Variants in CORIN observed in about 807,000 individuals in gnomAD.
CORIN encodes atrial natriuretic peptide-converting enzyme.
In CORIN, 117 loss-of-function variants were observed where a neutral mutation model predicts 125.3. The observed-to-expected ratio is 0.93, with a 90% CI of 0.80 to 1.09. The LOEUF (loss-of-function observed/expected upper bound fraction) is 1.09. Among genes scored for constraint, CORIN ranks in the 50% least tolerant of loss-of-function variants. The probability of loss-of-function intolerance (pLI) is 0.00; values close to 1 mark genes in which losing one functional copy is unlikely to be tolerated. For synonymous variants in CORIN, 450 were observed against 466.4 expected, an observed-to-expected ratio of 0.96 and a Z score of 0.45; for missense variants, 1,253 against 1,306.7, an observed-to-expected ratio of 0.96 and a Z score of 0.63.
At chr4:47,761,827 G>T (rs1373713465) in intron 4 of CORIN, among the ~76,000 whole-genome samples, 1 of 152,050 alleles carries the variant, frequency 6.6e-6, no homozygotes, top group Non-Finnish European at 1.5e-5. Context: ...TACAGTTATT[G>T]ATAACATATT....
chr4:47,823,004 C>T (rs767227320), intron 1 of CORIN, among the ~76,000 whole-genome samples: 5 of 152,102 alleles, frequency 3.3e-5, no homozygotes, highest in African/African-American at 9.6e-5. Context: ...TTAGTAGAGA[C>T]GGGCTTCACC....
intron 2 of CORIN, among the ~76,000 whole-genome samples, chr4:47,804,808 A>T (rs1731700800): frequency 6.6e-6 from 1 of 152,030 alleles, no homozygotes; most frequent in African/African-American, 2.4e-5. Context: ...ATTTGATTGC[A>T]CAACAGGATG....
chr4:47,633,794 G>A (rs76627557), intron 16 of CORIN, among the ~76,000 whole-genome samples: 4 of 152,206 alleles, frequency 2.6e-5, no homozygotes, highest in Non-Finnish European at 5.9e-5. Context: ...TTAAATTCCA[G>A]TTCTTCAGAA....
At chr4:47,743,916 A>G (rs1224275713) in intron 5 of CORIN, among the ~76,000 whole-genome samples, 2 of 152,154 alleles carry the variant, frequency 1.3e-5, no homozygotes, top group Non-Finnish European at 2.9e-5. Flanking sequence ...GCACAAGAAT[A>G]GTAATAGCAT....
At chr4:47,805,148 AAATAAT>A (rs1553919339) in intron 2 of CORIN, among the ~76,000 whole-genome samples, 15 of 129,158 alleles carry the variant, frequency 1.2e-4, no homozygotes, top group African/African-American at 3.8e-4. Context: ...AAAAAAAAAA[AAATAAT>A]AATAATAATA....
At chr4:47,826,156 A>T (rs1365009472) in intron 1 of CORIN, among the ~76,000 whole-genome samples, 10 of 152,344 alleles carry the variant, frequency 6.6e-5, no homozygotes, top group African/African-American at 2.2e-4. Context: ...CGCTAAGGGA[A>T]GATAGCAGTA....
At position 47,600,264 on chromosome 4, in the gene CORIN, TG is replaced by T; in HGVS notation, c.2895del (p.Thr966LeufsTer3). On this transcript the variant is annotated frameshift_variant, in exon 21 of 22. Coordinates refer to ENST00000273857, the MANE Select transcript of CORIN (RefSeq NM_006587.4). LOFTEE classifies it high-confidence loss of function. ...CQSYFDMKTI[T>X]TRMICAGYES... ...TCATAGCCAGCACATATCATCCGAG[TG>T]GTGATGGTCTTCATGTCAAAGTAGG... is the stretch of plus-strand genomic sequence containing the variant. The T allele has an allele frequency of 6.2e-7, 1 of 1,613,706 alleles. No homozygotes were observed. Among genetic ancestry groups the T allele is most frequent in the Non-Finnish European group, 8.5e-7 (1 of 1,179,796 alleles).
intron 11 of CORIN, among the ~76,000 whole-genome samples, chr4:47,662,828 G>C (rs1724312215): frequency 6.6e-6 from 1 of 152,176 alleles, no homozygotes; most frequent in Non-Finnish European, 1.5e-5. Flanking sequence ...ACAATCAAAT[G>C]AGGAAATTTC....
intron 19 of CORIN, among the ~76,000 whole-genome samples, chr4:47,619,583 T>C (rs1722218772): frequency 6.6e-6 from 1 of 152,248 alleles, no homozygotes; most frequent in South Asian, 2.1e-4. Flanking sequence ...TTTTGTTAAA[T>C]TTAGTGTTTC....
At chr4:47,782,480 G>T (rs1730600919) in intron 3 of CORIN, among the ~76,000 whole-genome samples, 1 of 151,594 alleles carries the variant, frequency 6.6e-6, no homozygotes, top group Non-Finnish European at 1.5e-5. Context: ...TCTCAATAAT[G>T]GATAGAACAA....
In CORIN at chr4:47,769,348, T is replaced by C. The variant is rs545929645; in HGVS notation, c.410-5762A>G. ...GAGGTGAAAGATCTTACACTGAAAATGATGAAGCATTGATGAAAGAAGTGA... is the reference window on the plus strand; with the variant it reads ...GAGGTGAAAGATCTTACACTGAAAACGATGAAGCATTGATGAAAGAAGTGA... On this transcript the variant is annotated intron_variant, in intron 3 of 21. Coordinates refer to ENST00000273857, the MANE Select transcript of CORIN (RefSeq NM_006587.4). Among the ~76,000 whole-genome samples, 8 of 151,886 alleles carry C rather than the reference T, an allele frequency of 5.3e-5. No individual in the cohort carries two copies. In the East Asian group the frequency reaches 1.4e-3, roughly 26 times the overall value.
intron 19 of CORIN, among the ~76,000 whole-genome samples, chr4:47,612,946 G>A (rs1478167185): frequency 6.6e-6 from 1 of 152,114 alleles, no homozygotes; most frequent in African/African-American, 2.4e-5. Flanking sequence ...GCAAGAGAAG[G>A]GTTTAGTCAC....
At chr4:47,640,871 T>G (rs1159297043) in intron 16 of CORIN, among the ~76,000 whole-genome samples, 3 of 152,224 alleles carry the variant, frequency 2.0e-5, no homozygotes, top group African/African-American at 7.2e-5. Flanking sequence ...GATTTTTCAT[T>G]TATCTCTGAA....
At chr4:47,763,609 T>C in intron 3 of CORIN, 23 bp from the exon 4 acceptor site, 1 of 1,582,946 alleles carries the variant, frequency 6.3e-7, no homozygotes, top group Non-Finnish European at 8.7e-7. Flanking sequence ...GACATGCACA[T>C]TTAAGAGTGG....
intron 21 of CORIN, among the ~76,000 whole-genome samples, chr4:47,599,463 C>T (rs1721369246): frequency 6.6e-6 from 1 of 152,218 alleles, no homozygotes; most frequent in Non-Finnish European, 1.5e-5. Context: ...AAAGGTGCTT[C>T]ACAGCAGCAT....
At chr4:47,787,497 C>T (rs1730871337) in intron 2 of CORIN, among the ~76,000 whole-genome samples, 1 of 150,138 alleles carries the variant, frequency 6.7e-6, no homozygotes, top group Non-Finnish European at 1.5e-5. Context: ...TTTATCAAAA[C>T]TTGTATCATA....
intron 5 of CORIN, among the ~76,000 whole-genome samples, chr4:47,737,420 A>G (rs1728181202): frequency 6.6e-6 from 1 of 152,164 alleles, no homozygotes; most frequent in Non-Finnish European, 1.5e-5. Flanking sequence ...GCTGTGGAAC[A>G]CTGAAGAGAT....
At chr4:47,604,250 T>G (rs1444556600) in intron 19 of CORIN, among the ~76,000 whole-genome samples, 1 of 152,194 alleles carries the variant, frequency 6.6e-6, no homozygotes, top group Non-Finnish European at 1.5e-5. Context: ...TTTCTTCCAA[T>G]CTCATGGACC....
Position 47,680,237 on chromosome 4 carries a change from T to C in CORIN, c.1036A>G (p.Thr346Ala). The part of the protein sequence containing the change: ...DEQNCDCNPT[T>A]EHRCGDGRCI... Reference sequence around the variant, plus strand: ...CGCCCGTCCCCGCAGCGATGCTCTGTTGTGGGATTGCAATCTGGAGAAATG... The same window carrying C: ...CGCCCGTCCCCGCAGCGATGCTCTGCTGTGGGATTGCAATCTGGAGAAATG... Residue 346 changes from threonine (T) to alanine (A), a missense_variant, in exon 8 of 22, where the codon ACA (threonine) becomes GCA (alanine). Transcript: ENST00000273857. The C allele has an allele frequency of 6.2e-7, 1 of 1,613,602 alleles. No homozygotes were observed. The highest frequency in any genetic ancestry group is 2.2e-5 in the East Asian group (1 of 44,832).
Sources: allele counts gnomAD v4.1 joint callset (sites outside exome capture counted in the v4.1 genomes callset), GRCh38; gene constraint gnomAD v4.1.1; transcripts MANE v1.5; gene names NCBI Gene and HGNC (gene_info 2026-07-23, HGNC 2026-07-21).